The following GATA5 variants were observed in gnomAD, a reference collection of about 807,000 sequenced individuals.
The protein encoded by GATA5 is transcription factor GATA-5.
In GATA5, 27 loss-of-function variants were observed where a neutral mutation model predicts 35.0. The observed-to-expected ratio is 0.77, with a 90% CI of 0.57 to 1.06. GATA5 has a LOEUF of 1.06. GATA5 is among the 50% of genes least tolerant of loss of function. GATA5 has a pLI of 0.00. For missense variants in GATA5, 612 were observed against 580.0 expected (o/e 1.06, Z -0.57); for synonymous variants, 306 against 267.8 (o/e 1.14, Z -1.39).
chr20:62,464,546 C>T lies in GATA5; in HGVS notation c.*290G>A. Reference sequence around the variant, plus strand: ...GGTGGTGGTGGTGCCCTGCGTTGGCCTCCGCCGCAGGGGGCCAGTGTGGTC... The same window carrying T: ...GGTGGTGGTGGTGCCCTGCGTTGGCTTCCGCCGCAGGGGGCCAGTGTGGTC... On this transcript the variant is annotated 3_prime_UTR_variant, in exon 7 of 7. Coordinates refer to ENST00000252997, the MANE Select transcript of GATA5 (RefSeq NM_080473.5). 1 of 303,500 alleles carries T rather than the reference C, an allele frequency of 3.3e-6. No homozygotes were observed. Among genetic ancestry groups the T allele is most frequent in the Non-Finnish European group, 6.1e-6 (1 of 165,074 alleles). 18.8% of individuals were successfully genotyped at this position (303,500 alleles called of 1,614,324 possible). A position where few individuals can be genotyped will look rare whatever the true frequency, so the allele number is the denominator to read the frequency against.
chr20:62,466,877 A>T (rs1555896154), intron 3 of GATA5, among the ~76,000 whole-genome samples: 2 of 152,060 alleles, frequency 1.3e-5, no homozygotes, highest in African/African-American at 4.8e-5. Flanking sequence ...TTTATCACCA[A>T]CCCTGCGCCT....
chr20:62,473,673 C>T (rs765274094), intron 2 of GATA5, 95 bp from the exon 3 acceptor site: 14 of 1,222,944 alleles, frequency 1.1e-5, no homozygotes, highest in Middle Eastern at 2.0e-4. Context: ...AGGAGCCTGG[C>T]GGCTTTCGTC....
intron 3 of GATA5, among the ~76,000 whole-genome samples, chr20:62,473,001 T>C (rs888588507): frequency 6.6e-6 from 1 of 152,170 alleles, no homozygotes; most frequent in Non-Finnish European, 1.5e-5. Context: ...AGGGTCACCT[T>C]GAGGCCTCCG....
At chr20:62,465,586 C>A in intron 5 of GATA5, 122 bp from the exon 6 acceptor site, 4 of 1,333,046 alleles carry the variant, frequency 3.0e-6, no homozygotes, top group Non-Finnish European at 3.0e-6. Flanking sequence ...CACGGTCACA[C>A]CGCAGGCGTG....
Position 62,463,626 on chromosome 20 carries a change from G to C in GATA5, c.*1210C>G, listed in dbSNP as rs1047105187. 1.3e-5 allele frequency: 2 copies of C among 152,204 alleles called. No individual in the cohort carries two copies. The highest frequency in any genetic ancestry group is 1.3e-4 in the Admixed American group (2 of 15,286). 9.4% of individuals were successfully genotyped at this position (152,204 alleles called of 1,614,324 possible). On this transcript the variant is annotated 3_prime_UTR_variant, in exon 7 of 7. Coordinates refer to ENST00000252997, the MANE Select transcript of GATA5 (RefSeq NM_080473.5). ...TTTCAGAATGACCGGACCCGCTCCT[G>C]AAGCTGATGCCAGACAACTGTTTTT...
At chr20:62,471,432 A>ATATTTTTTTTTTTT (rs1555896518) in intron 3 of GATA5, among the ~76,000 whole-genome samples, 15 of 81,742 alleles carry the variant, frequency 1.8e-4, no homozygotes, top group Non-Finnish European at 2.9e-4. Context: ...TTCAATTACA[A>ATATTTTTTTTTTTT]TTTTTTTTTT....
Position 62,465,842 on chromosome 20 carries a change from C to T in GATA5, c.905G>A (p.Gly302Asp). Reference protein sequence around the residue: ...RKPKTIAKARGSSGSTRNASA... With the variant: ...RKPKTIAKARDSSGSTRNASA... ...AGGGCCTGGCCACGCACCTGAGGAG[C>T]CCCTGGCCTTGGCGATGGTCTTTGG... The change falls in exon 5 of 7, where the codon GGC (glycine) becomes GAC (aspartate). Residue 302 changes from glycine to aspartate, a missense_variant. Gly to Asp is a moderately conservative substitution (Grantham distance 94). Coordinates refer to ENST00000252997, the MANE Select transcript of GATA5 (RefSeq NM_080473.5). The T allele has an allele frequency of 6.3e-7, 1 of 1,587,882 alleles. No homozygotes were observed. Among genetic ancestry groups the T allele is most frequent in the Non-Finnish European group, 8.6e-7 (1 of 1,166,662 alleles).
chr20:62,474,608 A>C (rs1555896916), intron 2 of GATA5, among the ~76,000 whole-genome samples: 1 of 152,260 alleles, frequency 6.6e-6, no homozygotes, highest in African/African-American at 2.4e-5. Context: ...CCAGGTCTCA[A>C]ATTAAAATCA....
In GATA5 at chr20:62,463,858, TC is replaced by T. The variant is rs1414993260; in HGVS notation, c.*977del. 1 of 103,240 alleles carries T rather than the reference TC, an allele frequency of 9.7e-6. No homozygotes were observed. Among genetic ancestry groups the T allele is most frequent in the Non-Finnish European group, 2.3e-5 (1 of 43,610 alleles). 6.4% of individuals were successfully genotyped at this position (103,240 alleles called of 1,614,324 possible). ...CCCCGCTCCTCTGCTCCCTGTGGCC[TC>T]CTGACATACATCACCGGCCATTCAC... On this transcript the variant is annotated 3_prime_UTR_variant, in exon 7 of 7. Coordinates refer to ENST00000252997, the MANE Select transcript of GATA5 (RefSeq NM_080473.5).
In GATA5 at chr20:62,470,700, T is replaced by C. The variant is rs1259976126; in HGVS notation, c.699+2703A>G. 6.6e-6 allele frequency among the ~76,000 whole-genome samples: 1 copy of C among 152,124 alleles called. No homozygotes were observed. Among genetic ancestry groups the C allele is most frequent in the Non-Finnish European group, 1.5e-5 (1 of 68,008 alleles). ...GGGCTAGGAGGTCTGCTGTCCGCAC[T>C]GCCCTTGGCTGCCGGGCCCCAGGCT... On this transcript the variant is annotated intron_variant, in intron 3 of 6. Transcript: ENST00000252997. The surrounding 1 kb of genome is among the most constrained non-coding windows in gnomAD (Gnocchi z 4.6).
chr20:62,466,286 G>A (rs1319494335), intron 4 of GATA5, 140 bp downstream of exon 4: 20 of 1,010,392 alleles, frequency 2.0e-5, no homozygotes, highest in African/African-American at 1.5e-4. Context: ...TCGGCCGGCC[G>A]GGACATGTGT....
In GATA5 at chr20:62,464,899, G is replaced by A. The variant is rs781791817; in HGVS notation, c.1131C>T (p.Ser377=). Residue 377 remains serine (S), a synonymous_variant, in exon 7 of 7, where the codon AGC becomes AGT. Coordinates refer to ENST00000252997, the MANE Select transcript of GATA5 (RefSeq NM_080473.5). The stretch of plus-strand genomic sequence containing the variant: ...GAGCCCCCCTGAGGCCAGCCTGGGG[G>A]CTTGGGGCCGTGGAGGGGAAGGCAA... The part of the protein sequence containing the change: ...EDFAFPSTAP[S]PQAGLRGALR... 2.5e-6 allele frequency: 4 copies of A among 1,611,254 alleles called. No individual in the cohort carries two copies. In the South Asian group the frequency reaches 3.3e-5, roughly 13 times the overall value.
chr20:62,471,839 C>G (rs986090607), intron 3 of GATA5, among the ~76,000 whole-genome samples: 38 of 151,834 alleles, frequency 2.5e-4, no homozygotes, highest in African/African-American at 9.0e-4. Context: ...AGTGATCATC[C>G]TGCCTCAGCC....
chr20:62,465,427 G>T lies in GATA5; in HGVS notation c.951C>A (p.Val317=), dbSNP rs782762753. The T allele has an allele frequency of 6.2e-7, 1 of 1,608,998 alleles. No homozygotes were observed. The change falls in exon 6 of 7, where the codon GTC becomes GTA. Residue 317 remains valine, a synonymous_variant. Coordinates refer to ENST00000252997, the MANE Select transcript of GATA5 (RefSeq NM_080473.5). Reference sequence around the variant, plus strand: ...TGGCTGCTGAGCTGTCAGTGCTGGCGACAGCAGATGGGGAGGCCGAGGCAT... The same window carrying T: ...TGGCTGCTGAGCTGTCAGTGCTGGCTACAGCAGATGGGGAGGCCGAGGCAT... ...TRNASASPSA[V]ASTDSSAATS... is the part of the protein sequence containing the mutation.
chr20:62,475,070 G>A lies in GATA5; in HGVS notation c.452C>T (p.Ala151Val). 1 of 1,413,462 alleles carries A rather than the reference G, an allele frequency of 7.1e-7. No individual in the cohort carries two copies. The highest frequency in any genetic ancestry group is 9.3e-7 in the Non-Finnish European group (1 of 1,080,710). The allele number at this position is 1,413,462 out of a possible 1,614,324, so 87.6% of individuals were successfully genotyped here. Residue 151 changes from alanine to valine, a missense_variant, in exon 2 of 7, where the codon GCC becomes GTC. Transcript: ENST00000252997. ...TYPAYVSPDV[A>V]QSWTAGPFDG... ...GAAGGGCCCGGCAGTCCAGGACTGG[G>A]CCACGTCGGGGCTCACGTAGGCCGG...
rs781954151 is a variant in GATA5 at position 62,465,424 on chromosome 20, G to A, written c.954C>T (p.Ala318=). 6.2e-7 allele frequency: 1 copy of A among 1,608,928 alleles called. No individual in the cohort carries two copies. The highest frequency in any genetic ancestry group is 2.2e-5 in the East Asian group (1 of 44,866). The part of the protein sequence containing the change: ...RNASASPSAV[A]STDSSAATSK... ...AAGTGGCTGCTGAGCTGTCAGTGCT[G>A]GCGACAGCAGATGGGGAGGCCGAGG... is the stretch of plus-strand genomic sequence containing the variant. The change falls in exon 6 of 7, where the codon GCC becomes GCT. Residue 318 remains alanine (A), a synonymous_variant. Coordinates refer to ENST00000252997, the MANE Select transcript of GATA5 (RefSeq NM_080473.5).
rs377271671 is a variant in GATA5 at position 62,465,008 on chromosome 20, G to C, written c.1039-17C>G. The C allele has an allele frequency of 1.0e-5, 16 of 1,579,956 alleles. No individual in the cohort carries two copies. In the African/African-American group the frequency reaches 1.9e-4, roughly 19 times the overall value. On this transcript the variant is annotated splice_polypyrimidine_tract_variant and intron_variant, in intron 6 of 6. Coordinates refer to ENST00000252997, the MANE Select transcript of GATA5 (RefSeq NM_080473.5). ...GCCAGAGGCCTGCAGGGACAGGAGA[G>C]CGTGAGAATGTGGGGTGGGGCGTGG...
chr20:62,472,548 A>T (rs888854103), intron 3 of GATA5, among the ~76,000 whole-genome samples: 29 of 152,248 alleles, frequency 1.9e-4, no homozygotes, highest in African/African-American at 7.0e-4. Context: ...CTTGGTGCCC[A>T]GGAACATACC....
chr20:62,473,339 A>G, intron 3 of GATA5, 64 bp downstream of exon 3: 2 of 1,526,588 alleles, frequency 1.3e-6, no homozygotes, highest in Non-Finnish European at 1.8e-6. Flanking sequence ...ACCTGGGTGG[A>G]TTGCAAGAGG....
Sources: allele counts gnomAD v4.1 joint callset (sites outside exome capture counted in the v4.1 genomes callset), GRCh38; gene constraint gnomAD v4.1.1; non-coding constraint Gnocchi (gnomAD v3.1); transcripts MANE v1.5; gene names NCBI Gene and HGNC (gene_info 2026-07-23, HGNC 2026-07-21).